Variants in OXR1 observed in about 807,000 individuals in gnomAD.
OXR1 encodes the protein oxidation resistance 1.
A neutral mutation model predicts 104.6 loss-of-function variants in OXR1; 41 were observed. The observed-to-expected ratio is 0.39, with a 90% CI of 0.31 to 0.51. OXR1 has a LOEUF of 0.51. Among genes scored for constraint, OXR1 ranks in the 20% least tolerant of loss-of-function variants. The pLI is 0.77. For synonymous variants in OXR1, 348 were observed against 348.4 expected (o/e 1.00, Z 0.01); for missense variants, 955 against 1,031.9 (o/e 0.93, Z 1.02).
At chr8:106,719,106 A>T (rs905028806) in intron 11 of OXR1, among the ~76,000 whole-genome samples, 14 of 152,220 alleles carry the variant, frequency 9.2e-5, no homozygotes, top group African/African-American at 3.4e-4. Flanking sequence ...TATTCAACAC[A>T]GGAAGTCAAT....
chr8:106,369,657 C>A (rs1174625349), intron 2 of OXR1, among the ~76,000 whole-genome samples: 2 of 152,148 alleles, frequency 1.3e-5, no homozygotes. Context: ...ATAGGAGATC[C>A]TTTCCCCATT....
chr8:106,602,479 C>T (rs1452373066), intron 3 of OXR1, among the ~76,000 whole-genome samples: 1 of 152,070 alleles, frequency 6.6e-6, no homozygotes, highest in Non-Finnish European at 1.5e-5. Flanking sequence ...GAAATGAAAT[C>T]GTCAAGAATG....
At chr8:106,722,776 G>A (rs1219595705) in intron 11 of OXR1, among the ~76,000 whole-genome samples, 1 of 152,138 alleles carries the variant, frequency 6.6e-6, no homozygotes, top group Non-Finnish European at 1.5e-5. Context: ...ATTGCTTAAA[G>A]ATGCATTTCT....
intron 2 of OXR1, among the ~76,000 whole-genome samples, chr8:106,497,812 G>A (rs13439523): frequency 1.5e-5 from 2 of 135,270 alleles, no homozygotes; most frequent in Admixed American, 7.1e-5. Context: ...GTGTGCACAC[G>A]CGTGTGTGTG....
At chr8:106,562,337 T>G (rs531563816) in intron 3 of OXR1, among the ~76,000 whole-genome samples, 1 of 152,000 alleles carries the variant, frequency 6.6e-6, no homozygotes, top group East Asian at 1.9e-4. Context: ...ACAGTATCAA[T>G]AGCCAAATTG....
chr8:106,586,649 A>G (rs998111749), intron 3 of OXR1, among the ~76,000 whole-genome samples: 3 of 152,214 alleles, frequency 2.0e-5, no homozygotes, highest in African/African-American at 7.2e-5. Context: ...AAGCATAGAT[A>G]GATGATCTGT....
chr8:106,446,799 G>A (rs1449778113), intron 2 of OXR1, among the ~76,000 whole-genome samples: 5 of 152,064 alleles, frequency 3.3e-5, no homozygotes, highest in Admixed American at 3.3e-4. Context: ...AGGCATGGTG[G>A]TATGTGTCTG....
At chr8:106,533,443 A>G (rs528543311) in intron 3 of OXR1, among the ~76,000 whole-genome samples, 9 of 152,342 alleles carry the variant, frequency 5.9e-5, no homozygotes, top group Admixed American at 1.3e-4. Flanking sequence ...TAGCAGGAGA[A>G]GACTCTTTAT....
At chr8:106,468,060 G>C (rs952692525) in intron 2 of OXR1, among the ~76,000 whole-genome samples, 2 of 151,738 alleles carry the variant, frequency 1.3e-5, no homozygotes, top group African/African-American at 4.8e-5. Flanking sequence ...ATGATTATGG[G>C]AATGAGACAG....
At chr8:106,657,965 C>T in intron 3 of OXR1, 1 of 1,248,354 alleles carries the variant, frequency 8.0e-7, no homozygotes, top group Non-Finnish European at 1.0e-6. Context: ...GGCCCCAGTT[C>T]CGCGTCCAGC....
chr8:106,741,859 T>C (rs1834946706), intron 14 of OXR1, among the ~76,000 whole-genome samples: 2 of 152,176 alleles, frequency 1.3e-5, no homozygotes, highest in Non-Finnish European at 2.9e-5. Flanking sequence ...GAAGGACTTA[T>C]TTTATTAAGC....
intron 3 of OXR1, among the ~76,000 whole-genome samples, chr8:106,548,779 T>C (rs1481401306): frequency 6.6e-6 from 1 of 152,250 alleles, no homozygotes. Flanking sequence ...TTTGTCATTT[T>C]CTATTAATAT....
At chr8:106,469,673 G>T (rs554332769) in intron 2 of OXR1, among the ~76,000 whole-genome samples, 3 of 151,794 alleles carry the variant, frequency 2.0e-5, no homozygotes, top group Admixed American at 6.6e-5. Flanking sequence ...ATCATGAGTT[G>T]TATAAATTAG....
intron 1 of OXR1, among the ~76,000 whole-genome samples, chr8:106,303,595 T>C (rs1436439997): frequency 6.6e-6 from 1 of 152,130 alleles, no homozygotes; most frequent in East Asian, 1.9e-4. Context: ...ACCTACTAAA[T>C]AGATTAAAAA....
intron 3 of OXR1, among the ~76,000 whole-genome samples, chr8:106,521,074 A>G (rs918511568): frequency 6.6e-6 from 1 of 152,224 alleles, no homozygotes; most frequent in Non-Finnish European, 1.5e-5. Context: ...TAAAAGAGAC[A>G]TCTGAACTGT....
chr8:106,561,282 T>C (rs573449944), intron 3 of OXR1, among the ~76,000 whole-genome samples: 2 of 152,272 alleles, frequency 1.3e-5, no homozygotes, highest in South Asian at 4.1e-4. Context: ...TGCTGGAGCT[T>C]GGTGGGGGGA....
intron 1 of OXR1, among the ~76,000 whole-genome samples, chr8:106,280,825 A>T (rs1812250747): frequency 6.6e-6 from 1 of 152,184 alleles, no homozygotes; most frequent in Non-Finnish European, 1.5e-5. Context: ...CTTAAAAATC[A>T]AGTGAGGGCC....
At chr8:106,716,307 A>G (rs574561419) in intron 11 of OXR1, among the ~76,000 whole-genome samples, 6 of 152,294 alleles carry the variant, frequency 3.9e-5, no homozygotes, top group South Asian at 4.1e-4. Context: ...GGCCAATCTC[A>G]ATTGAAATGA....
At position 106,739,573 on chromosome 8, in the gene OXR1, A is replaced by G. The variant is rs1239097397; in HGVS notation, c.2153A>G (p.Gln718Arg). Residue 718 changes from glutamine (Q) to arginine (R), a missense_variant, in exon 13 of 17, where the codon CAA becomes CGA. Gln to Arg is a conservative substitution (Grantham distance 43). This residue lies in a region of OXR1 where 849 missense variants were observed against 852.9 expected (regional missense o/e 1.00). Coordinates refer to ENST00000517566, the MANE Select transcript of OXR1 (RefSeq NM_001198533.2). ...SDPSELLLPD[Q>R]IEKLTKHLPP... Reference sequence around the variant, plus strand: ...CCCAGTGAACTTTTACTGCCAGATCAAATTGAAAAGGTATGACATGCTCAC... The same window carrying G: ...CCCAGTGAACTTTTACTGCCAGATCGAATTGAAAAGGTATGACATGCTCAC... 6.2e-7 allele frequency: 1 copy of G among 1,613,164 alleles called. No homozygotes were observed. Among genetic ancestry groups the G allele is most frequent in the African/African-American group, 1.3e-5 (1 of 74,906 alleles).
Sources: gnomAD v4.1 joint callset for allele counts (sites outside exome capture counted in the v4.1 genomes callset) on GRCh38, gnomAD v4.1.1 for gene constraint, gnomAD v4.1.1 regional missense constraint, MANE v1.5 for transcripts, NCBI Gene and HGNC (gene_info 2026-07-23, HGNC 2026-07-21) for gene names.